Variants in PLEKHA8 observed in about 807,000 individuals in gnomAD.
The protein encoded by PLEKHA8 is pleckstrin homology domain-containing family A member 8.
In PLEKHA8, 36 loss-of-function variants were observed where a neutral mutation model predicts 68.2. The ratio of observed to expected loss-of-function variants is 0.53; its 90% CI spans 0.40 to 0.70. The LOEUF (loss-of-function observed/expected upper bound fraction) is 0.70. Ranked by LOEUF, PLEKHA8 falls within the 30% of genes least tolerant of loss-of-function variation. The pLI is 0.00. For synonymous variants in PLEKHA8, 211 were observed against 216.1 expected, an observed-to-expected ratio of 0.98 and a Z score of 0.20; for missense variants, 505 against 615.4, an observed-to-expected ratio of 0.82 and a Z score of 1.90.
chr7:30,112,793 TG>T (rs781694152), intron 13 of PLEKHA8, among the ~76,000 whole-genome samples: 15 of 151,958 alleles, frequency 9.9e-5, no homozygotes, highest in Non-Finnish European at 1.9e-4. Context: ...CCCAGCTATT[TG>T]GGAGGCTGAG....
At position 30,129,330 on chromosome 7, in the gene PLEKHA8, A is replaced by T. The variant is rs533422974; in HGVS notation, c.*59A>T. On this transcript the variant is annotated 3_prime_UTR_variant, in exon 14 of 14. Transcript: ENST00000396257. ...CATGGACCATGAGGCAACTCTGAGGATGGAAGCCACACACTAAGGACGGTA... is the reference window on the plus strand; with the variant it reads ...CATGGACCATGAGGCAACTCTGAGGTTGGAAGCCACACACTAAGGACGGTA... 888 of 1,612,776 alleles carry T rather than the reference A, an allele frequency of 5.5e-4. 7 individuals are homozygous for T. The South Asian group carries it at 7.2e-3, about 13-fold the overall frequency.
chr7:30,061,837 C>A, intron 10 of PLEKHA8, 60 bp from the exon 11 acceptor site: 1 of 1,599,788 alleles, frequency 6.3e-7, no homozygotes, highest in Non-Finnish European at 8.5e-7. Flanking sequence ...CCAGACTATA[C>A]TGAGTTGCTT....
downstream of PLEKHA8, among the ~76,000 whole-genome samples, chr7:30,093,091 G>A (rs143932178): frequency 1.5e-3 from 231 of 152,256 alleles, no homozygotes; most frequent in African/African-American, 5.3e-3. Context: ...TAACATATGG[G>A]CACGTTATTT....
At chr7:30,091,849 A>G (rs575876830), downstream of PLEKHA8, among the ~76,000 whole-genome samples, 9 of 152,340 alleles carry the variant, frequency 5.9e-5, 1 homozygote, top group South Asian at 1.7e-3. Context: ...TGCCCAAGTG[A>G]AATTGCTGGG....
intron 2 of PLEKHA8, 50 bp downstream of exon 2, chr7:30,045,251 C>G (rs968641755): frequency 1.4e-6 from 2 of 1,417,026 alleles, no homozygotes; most frequent in Non-Finnish European, 2.0e-6. Context: ...TGTTTTCCCT[C>G]AAAAACAAAA....
At chr7:30,104,586 T>C (rs575298227) in intron 13 of PLEKHA8, among the ~76,000 whole-genome samples, 1 of 152,264 alleles carries the variant, frequency 6.6e-6, no homozygotes, top group Non-Finnish European at 1.5e-5. Flanking sequence ...TACAAAATAG[T>C]GCATAGTGTC....
At chr7:30,123,123 T>C (rs1187902061) in intron 13 of PLEKHA8, among the ~76,000 whole-genome samples, 3 of 152,206 alleles carry the variant, frequency 2.0e-5, no homozygotes, top group Admixed American at 6.5e-5. Context: ...CTCATCTGTT[T>C]TGAGTCCCAG....
chr7:30,074,141 T>C lies in PLEKHA8; in HGVS notation c.1362+9T>C. 1 of 1,610,646 alleles carries C rather than the reference T, an allele frequency of 6.2e-7. No homozygotes were observed. The highest frequency in any genetic ancestry group is 8.5e-7 in the Non-Finnish European group (1 of 1,177,086). ...TTCGAGGGGTTTTTGCGGTAAGTGA[T>C]CCTTCTTGTCTCCTATTATTAACTG... On this transcript the variant is annotated intron_variant, in intron 13 of 13. Transcript: ENST00000449726.
At chr7:30,062,381 C>G (rs1045392121) in intron 11 of PLEKHA8, among the ~76,000 whole-genome samples, 2 of 152,028 alleles carry the variant, frequency 1.3e-5, no homozygotes, top group African/African-American at 2.4e-5. Context: ...CGGGTGGGGC[C>G]CCAGAATTTG....
intron 13 of PLEKHA8, 85 bp from the exon 14 acceptor site, chr7:30,078,505 A>ATG: frequency 7.4e-7 from 1 of 1,347,700 alleles, no homozygotes. Flanking sequence ...GTGTGAAAGT[A>ATG]TGTGTGTGTG....
chr7:30,032,166 T>TA (rs763987947), intron 1 of PLEKHA8, among the ~76,000 whole-genome samples: 11 of 152,196 alleles, frequency 7.2e-5, no homozygotes, highest in Non-Finnish European at 1.6e-4. Context: ...CTGTGTTTGT[T>TA]ATTTGTGTCT....
chr7:30,096,008 G>A (rs868657249), intron 13 of PLEKHA8, among the ~76,000 whole-genome samples: 2 of 152,140 alleles, frequency 1.3e-5, no homozygotes, highest in African/African-American at 4.8e-5. Context: ...GGCAATGCGG[G>A]CTCTTTTTTG....
intron 1 of PLEKHA8, among the ~76,000 whole-genome samples, chr7:30,042,390 G>A (rs1791612101): frequency 6.6e-6 from 1 of 152,058 alleles, no homozygotes; most frequent in African/African-American, 2.4e-5. Flanking sequence ...AATACAGATG[G>A]GTCTTAAATT....
At chr7:30,052,970 A>G in intron 7 of PLEKHA8, 104 bp downstream of exon 7, 1 of 918,262 alleles carries the variant, frequency 1.1e-6, no homozygotes, top group South Asian at 1.8e-5. Flanking sequence ...ACCATGTAGT[A>G]GTGTCTGCTA....
intron 12 of PLEKHA8, among the ~76,000 whole-genome samples, chr7:30,065,488 A>G (rs1213237405): frequency 6.6e-6 from 1 of 151,222 alleles, no homozygotes; most frequent in Non-Finnish European, 1.5e-5. Flanking sequence ...ATGTTTACAC[A>G]ATAGTTACTC....
chr7:30,049,196 G>A lies in PLEKHA8; in HGVS notation c.439-28G>A, dbSNP rs756477774. ...GCTTTTTCTTTTTTGGCAAGGTAAA[G>A]GAGTCTTCCACTCTGGTTGTTTCGT... On this transcript the variant is annotated intron_variant, in intron 4 of 13. Coordinates refer to ENST00000449726, the MANE Select transcript of PLEKHA8 (RefSeq NM_001197026.2). 8 of 1,613,016 alleles carry A rather than the reference G, an allele frequency of 5.0e-6. No homozygotes were observed. In the East Asian group the frequency reaches 1.8e-4, roughly 36 times the overall value.
chr7:30,098,073 G>C lies in PLEKHA8; in HGVS notation c.1362+23941G>C, dbSNP rs376046055. On this transcript the variant is annotated intron_variant, in intron 13 of 13. Transcript: ENST00000396257. ...AGGACCCTCAGCTGCAGGTCTGTTG[G>C]AGTTTGCTGGAGGTCCACTCCAGAC... Among the ~76,000 whole-genome samples, 94 of 152,324 alleles carry C rather than the reference G, an allele frequency of 6.2e-4. 2 individuals carry two copies. The South Asian group carries it at 0.019, about 31-fold the overall frequency.
chr7:30,095,985 T>C (rs1163706900), intron 13 of PLEKHA8, among the ~76,000 whole-genome samples: 1 of 152,208 alleles, frequency 6.6e-6, no homozygotes, highest in Non-Finnish European at 1.5e-5. Flanking sequence ...TTTTTTTGGC[T>C]TAGGATTGAC....
chr7:30,064,534 C>T (rs1793682650), intron 12 of PLEKHA8, among the ~76,000 whole-genome samples: 1 of 152,030 alleles, frequency 6.6e-6, no homozygotes, highest in South Asian at 2.1e-4. Flanking sequence ...TCGAGTGAGA[C>T]CAGACCCTGT....
Sources: allele counts gnomAD v4.1 joint callset (sites outside exome capture counted in the v4.1 genomes callset), GRCh38; gene constraint gnomAD v4.1.1; transcripts MANE v1.5; gene names NCBI Gene and HGNC (gene_info 2026-07-23, HGNC 2026-07-21).